The following PKHD1 variants were observed in gnomAD, a reference collection of about 807,000 sequenced individuals.
PKHD1 encodes fibrocystin.
PKHD1 carries 291 observed loss-of-function variants against 412.0 expected under a neutral mutation model. That is an observed-to-expected ratio of 0.71 (90% CI 0.64 to 0.78). The LOEUF is 0.78. Among genes scored for constraint, PKHD1 ranks in the 30% least tolerant of loss-of-function variants. The pLI is 0.00. For missense variants in PKHD1, 4,825 were observed against 4,950.7 expected, an observed-to-expected ratio of 0.97 and a Z score of 0.76; for synonymous variants, 1,777 against 1,821.5, an observed-to-expected ratio of 0.98 and a Z score of 0.62.
chr6:51,892,783 A>C lies in PKHD1; in HGVS notation c.6997-5538T>G, dbSNP rs1023052807. On this transcript the variant is annotated intron_variant, in intron 43 of 66. Transcript: ENST00000371117. ...AGGCATTCCCATTAAAAAAACATTT[A>C]TTAGCATTAAATCAGCTATCTCAAT... Among the ~76,000 whole-genome samples, 4 of 152,240 alleles carry C rather than the reference A, an allele frequency of 2.6e-5. No individual in the cohort carries two copies. The East Asian group carries it at 7.7e-4, about 29-fold the overall frequency.
chr6:51,631,848 AAAACAAAC>A (rs543269298), intron 65 of PKHD1, among the ~76,000 whole-genome samples: 3 of 152,078 alleles, frequency 2.0e-5, no homozygotes, highest in African/African-American at 2.4e-5. Flanking sequence ...CCTATGCTAA[AAAACAAAC>A]AAACAAACAA....
At chr6:51,633,338 C>T (rs1016338220) in intron 64 of PKHD1, among the ~76,000 whole-genome samples, 1 of 152,024 alleles carries the variant, frequency 6.6e-6, no homozygotes, top group Admixed American at 6.6e-5. Context: ...AAATTTCTCA[C>T]CCCATTATTA....
chr6:51,721,363 C>T lies in PKHD1; in HGVS notation c.10156+23022G>A, dbSNP rs1480002428. Reference sequence around the variant, plus strand: ...TATTAGTATATTATTGATAATATACCTATATTATTATATTATTAATATACC... The same window carrying T: ...TATTAGTATATTATTGATAATATACTTATATTATTATATTATTAATATACC... On this transcript the variant is annotated intron_variant, in intron 60 of 66. Transcript: ENST00000371117. The T allele has an allele frequency of 4.5e-5, 21 of 462,710 alleles. 1 individual carries two copies. The South Asian group carries it at 1.4e-3, about 31-fold the overall frequency. 28.7% of individuals were successfully genotyped at this position (462,710 alleles called of 1,614,324 possible).
At chr6:51,935,354 A>G (rs1422026692) in intron 36 of PKHD1, among the ~76,000 whole-genome samples, 1 of 152,238 alleles carries the variant, frequency 6.6e-6, no homozygotes, top group African/African-American at 2.4e-5. Context: ...TCTTTCTTTA[A>G]AAGGCTTTAG....
At position 51,791,388 on chromosome 6, in the gene PKHD1, G is replaced by A; in HGVS notation, c.8303-15C>T. 2.5e-6 allele frequency: 4 copies of A among 1,612,628 alleles called. No homozygotes were observed. The highest frequency in any genetic ancestry group is 3.4e-6 in the Non-Finnish European group (4 of 1,178,788). Reference sequence around the variant, plus strand: ...GACAGTTCTGTCTGTGGAAGAAAAAGAAATTGCTCAGATATGTCACAAAAA... The same window carrying A: ...GACAGTTCTGTCTGTGGAAGAAAAAAAAATTGCTCAGATATGTCACAAAAA... On this transcript the variant is annotated splice_polypyrimidine_tract_variant and intron_variant, in intron 52 of 66. Transcript: ENST00000371117.
chr6:52,026,994 A>G (rs1802286846), intron 31 of PKHD1, among the ~76,000 whole-genome samples: 1 of 152,184 alleles, frequency 6.6e-6, no homozygotes, highest in African/African-American at 2.4e-5. Flanking sequence ...ATTCTTTCTG[A>G]AAATAGTTTT....
chr6:51,716,972 T>C (rs528585197), intron 60 of PKHD1, among the ~76,000 whole-genome samples: 1 of 152,230 alleles, frequency 6.6e-6, no homozygotes, highest in South Asian at 2.1e-4. Flanking sequence ...AAGGCCATGG[T>C]TCTTCCAGCT....
intron 43 of PKHD1, among the ~76,000 whole-genome samples, chr6:51,899,068 G>A (rs888908433): frequency 1.3e-5 from 2 of 152,204 alleles, no homozygotes; most frequent in Admixed American, 6.5e-5. Context: ...CAGATTCACA[G>A]CCGAATTCTA....
intron 63 of PKHD1, among the ~76,000 whole-genome samples, chr6:51,646,843 A>G (rs911533556): frequency 3.7e-4 from 56 of 152,212 alleles, no homozygotes; most frequent in Non-Finnish European, 4.4e-5. Context: ...TCACTTTCCA[A>G]CTGGCTCAGG....
At chr6:51,942,135 A>G (rs987087942) in intron 36 of PKHD1, among the ~76,000 whole-genome samples, 1 of 151,378 alleles carries the variant, frequency 6.6e-6, no homozygotes, top group African/African-American at 2.4e-5. Context: ...GACCCCATAG[A>G]TCCTAAATCC....
rs186679804 is a variant in PKHD1 at position 52,084,825 on chromosome 6, C to T, written c.52+57G>A. ...ATTACTTTAAGTTTCAATAATAGTT[C>T]TCAAGGTAACCTATTGTGTTCTTAC... On this transcript the variant is annotated intron_variant, in intron 2 of 66. Transcript: ENST00000371117. 147 of 1,061,418 alleles carry T rather than the reference C, an allele frequency of 1.4e-4. No individual in the cohort carries two copies. The African/African-American group carries it at 1.8e-3, about 13-fold the overall frequency. 65.7% of individuals were successfully genotyped at this position (1,061,418 alleles called of 1,614,324 possible). A position where few individuals can be genotyped will look rare whatever the true frequency, so the allele number is the denominator to read the frequency against.
At chr6:51,663,836 T>C (rs2150442717) in intron 60 of PKHD1, among the ~76,000 whole-genome samples, 1 of 152,084 alleles carries the variant, frequency 6.6e-6, no homozygotes, top group Middle Eastern at 3.4e-3. Context: ...ATTTCACATG[T>C]ATCCATAAGA....
chr6:51,781,100 C>G, intron 53 of PKHD1, among the ~76,000 whole-genome samples: 1 of 152,136 alleles, frequency 6.6e-6, no homozygotes, highest in Non-Finnish European at 1.5e-5. Context: ...CCTGCAATAG[C>G]AATTTTCTGA....
In PKHD1 at chr6:51,746,752, T is replaced by A. The variant is rs1401078399; in HGVS notation, c.9967A>T (p.Asn3323Tyr). The A allele has an allele frequency of 1.9e-6, 3 of 1,609,854 alleles. No homozygotes were observed. The South Asian group carries it at 3.3e-5, about 18-fold the overall frequency. ...TGTAATGAAGGAAAGTAGAACTTGTTTTTATCTTTTATCTTTAGCATCCTG... is the reference window on the plus strand; with the variant it reads ...TGTAATGAAGGAAAGTAGAACTTGTATTTATCTTTTATCTTTAGCATCCTG... ...RTRMLKIKDKNKFYFPSLQPR... is the reference protein window; with the variant it reads ...RTRMLKIKDKYKFYFPSLQPR... Residue 3323 changes from asparagine (N) to tyrosine (Y), a missense_variant, in exon 59 of 67, where the codon AAC (asparagine) becomes TAC (tyrosine). Coordinates refer to ENST00000371117, the MANE Select transcript of PKHD1 (RefSeq NM_138694.4).
At chr6:51,941,545 G>A (rs916419866) in intron 36 of PKHD1, among the ~76,000 whole-genome samples, 2 of 150,998 alleles carry the variant, frequency 1.3e-5, no homozygotes, top group Non-Finnish European at 3.0e-5. Context: ...GTGAGCCACC[G>A]CACCCAGCCC....
At chr6:51,989,590 T>A (rs1796621538) in intron 35 of PKHD1, among the ~76,000 whole-genome samples, 1 of 152,108 alleles carries the variant, frequency 6.6e-6, no homozygotes, top group Non-Finnish European at 1.5e-5. Flanking sequence ...TGAAGATATA[T>A]TTTCCCATTA....
At chr6:51,630,365 C>A (rs1281635399) in intron 65 of PKHD1, among the ~76,000 whole-genome samples, 1 of 152,106 alleles carries the variant, frequency 6.6e-6, no homozygotes, top group African/African-American at 2.4e-5. Flanking sequence ...CCAAGAGATT[C>A]CAGCTGCCTA....
intron 43 of PKHD1, among the ~76,000 whole-genome samples, chr6:51,902,227 A>G (rs374936274): frequency 9.2e-5 from 14 of 152,188 alleles, no homozygotes; most frequent in African/African-American, 3.4e-4. Context: ...CAGACATAGA[A>G]AGGGCACATA....
At chr6:51,765,958 G>C (rs953699789) in intron 55 of PKHD1, among the ~76,000 whole-genome samples, 2 of 152,000 alleles carry the variant, frequency 1.3e-5, no homozygotes, top group African/African-American at 2.4e-5. Flanking sequence ...CTGAAATTAT[G>C]CTTCAGGGAA....
Sources: gnomAD v4.1 joint callset for allele counts (sites outside exome capture counted in the v4.1 genomes callset) on GRCh38, gnomAD v4.1.1 for gene constraint, MANE v1.5 for transcripts, NCBI Gene and HGNC (gene_info 2026-07-23, HGNC 2026-07-21) for gene names.